The following DTNA variants were observed in gnomAD, a reference collection of about 807,000 sequenced individuals.
The protein encoded by DTNA is dystrophin-related protein 3.
In DTNA, 43 loss-of-function variants were observed where a neutral mutation model predicts 100.7. That is an observed-to-expected ratio of 0.43 (90% confidence interval 0.33 to 0.55). The LOEUF is 0.55. Among genes scored for constraint, DTNA ranks in the 20% least tolerant of loss-of-function variants. The probability of loss-of-function intolerance (pLI) is 0.04; values close to 1 mark genes in which losing one functional copy is unlikely to be tolerated. For missense variants in DTNA, 798 were observed against 953.9 expected, an observed-to-expected ratio of 0.84 and a Z score of 2.15; for synonymous variants, 349 against 347.9, an observed-to-expected ratio of 1.00 and a Z score of -0.04.
At chr18:34,713,590 G>A (rs1458632236) in intron 1 of DTNA, among the ~76,000 whole-genome samples, 1 of 151,216 alleles carries the variant, frequency 6.6e-6, no homozygotes, top group Non-Finnish European at 1.5e-5. Flanking sequence ...TTGTTCTTTT[G>A]GCTTAGGATT....
chr18:34,754,217 C>T (rs1409702950), intron 1 of DTNA, among the ~76,000 whole-genome samples: 1 of 152,118 alleles, frequency 6.6e-6, no homozygotes, highest in Non-Finnish European at 1.5e-5. Flanking sequence ...ATAAACATCA[C>T]TTTTACCACC....
intron 14 of DTNA, among the ~76,000 whole-genome samples, 154 bp downstream of exon 14, chr18:34,848,537 G>C (rs1031294144): frequency 6.6e-6 from 1 of 151,978 alleles, no homozygotes; most frequent in Non-Finnish European, 1.5e-5. Context: ...GTGGTGTCTT[G>C]GTGGTGAATT....
chr18:34,882,110 A>G lies in DTNA; in HGVS notation c.2204A>G (p.Glu735Gly), dbSNP rs2096879029. 1 of 1,614,112 alleles carries G rather than the reference A, an allele frequency of 6.2e-7. No homozygotes were observed. The highest frequency in any genetic ancestry group is 1.3e-5 in the African/African-American group (1 of 75,032). ...DADPYVQPEDENYENDSVRQL... is the reference protein window; with the variant it reads ...DADPYVQPEDGNYENDSVRQL... Reference sequence around the variant, plus strand: ...GATCCCTATGTGCAGCCTGAAGATGAAAACTATGAAAATGACTCTGTCCGG... The same window carrying G: ...GATCCCTATGTGCAGCCTGAAGATGGAAACTATGAAAATGACTCTGTCCGG... The change falls in exon 21 of 23, where the codon GAA becomes GGA. Residue 735 changes from glutamate (E) to glycine (G), a missense_variant. Physicochemically the swap from Glu to Gly is moderately conservative, Grantham distance 98 (BLOSUM62 -2). Transcript: ENST00000444659.
At chr18:34,718,054 C>T (rs1035104215) in intron 1 of DTNA, among the ~76,000 whole-genome samples, 2 of 152,146 alleles carry the variant, frequency 1.3e-5, no homozygotes, top group African/African-American at 4.8e-5. Context: ...AGGTAGAGAA[C>T]AACTGATTTA....
chr18:34,845,519 G>T (rs1461959346), intron 13 of DTNA, among the ~76,000 whole-genome samples: 3 of 151,938 alleles, frequency 2.0e-5, no homozygotes, highest in Non-Finnish European at 4.4e-5. Context: ...CACTTTCAAG[G>T]TGTCAAAGAT....
chr18:34,714,615 A>G (rs1373332332), intron 1 of DTNA, among the ~76,000 whole-genome samples: 2 of 150,708 alleles, frequency 1.3e-5, no homozygotes, highest in Admixed American at 6.6e-5. Context: ...GAGAAATAGG[A>G]ACACTTTTAC....
chr18:34,656,953 T>C (rs1029134063), intron 1 of DTNA, among the ~76,000 whole-genome samples: 3 of 152,154 alleles, frequency 2.0e-5, no homozygotes, highest in Admixed American at 1.3e-4. Context: ...CTCGGCTCAC[T>C]GCAACCTCCA....
At position 34,663,495 on chromosome 18, in the gene DTNA, A is replaced by G. The variant is rs150712918; in HGVS notation, c.-1-92481A>G. ...CTTTTAATAGTGCAAGGAAATGGGAAGTACACATAAAGCACTTTTGAAATA... is the reference window on the plus strand; with the variant it reads ...CTTTTAATAGTGCAAGGAAATGGGAGGTACACATAAAGCACTTTTGAAATA... On this transcript the variant is annotated intron_variant, in intron 1 of 19. Coordinates refer to the DTNA transcript ENST00000283365. 2.2e-3 allele frequency among the ~76,000 whole-genome samples: 329 copies of G among 152,306 alleles called. 2 individuals carry two copies. Among genetic ancestry groups the G allele is most frequent in the African/African-American group, 7.3e-3 (304 of 41,584 alleles).
chr18:34,681,695 AACACACACAC>A (rs71813996), intron 1 of DTNA, among the ~76,000 whole-genome samples: 13 of 142,900 alleles, frequency 9.1e-5, no homozygotes, highest in African/African-American at 2.3e-4. Context: ...CCCTATACAC[AACACACACAC>A]ACACACACAC....
At chr18:34,816,100 GT>G in intron 7 of DTNA, 86 bp downstream of exon 7, 2 of 1,366,382 alleles carry the variant, frequency 1.5e-6, no homozygotes, top group Non-Finnish European at 2.1e-6. Context: ...CCAGGCTGTT[GT>G]TTTAGGGAAG....
intron 1 of DTNA, among the ~76,000 whole-genome samples, chr18:34,640,847 T>A (rs2148348158): frequency 6.6e-6 from 1 of 152,338 alleles, no homozygotes; most frequent in African/African-American, 2.4e-5. Context: ...AGCAAAGGTT[T>A]GTTTTTTTCT....
intron 1 of DTNA, among the ~76,000 whole-genome samples, chr18:34,576,616 G>T (rs942477219): frequency 6.6e-6 from 1 of 152,018 alleles, no homozygotes; most frequent in African/African-American, 2.4e-5. Context: ...ATGCCGCCAT[G>T]CCCGGCTAAT....
At chr18:34,753,633 C>T (rs981946043) in intron 1 of DTNA, among the ~76,000 whole-genome samples, 2 of 141,640 alleles carry the variant, frequency 1.4e-5, no homozygotes, top group African/African-American at 6.3e-5. Context: ...CCGCCCGCCT[C>T]GGCCTCCCAA....
At chr18:34,547,505 CTCTGACCTGTGT>C (rs2044921365) in intron 1 of DTNA, among the ~76,000 whole-genome samples, 1 of 152,094 alleles carries the variant, frequency 6.6e-6, no homozygotes, top group Admixed American at 6.6e-5. Flanking sequence ...TTACTCTGTG[CTCTGACCTGTGT>C]GCATAAGGCC....
chr18:34,619,413 A>G (rs2056010414), intron 1 of DTNA, among the ~76,000 whole-genome samples: 1 of 152,206 alleles, frequency 6.6e-6, no homozygotes, highest in Admixed American at 6.5e-5. Flanking sequence ...CAGGAAGAAT[A>G]GCAAAGAAGC....
chr18:34,558,997 T>C (rs147249131), intron 1 of DTNA, among the ~76,000 whole-genome samples: 410 of 152,264 alleles, frequency 2.7e-3, no homozygotes, highest in Middle Eastern at 0.01. Context: ...GTTGGTTGAT[T>C]AAGAGTACTG....
intron 1 of DTNA, among the ~76,000 whole-genome samples, chr18:34,601,680 T>G (rs890574383): frequency 6.6e-6 from 1 of 152,266 alleles, no homozygotes; most frequent in African/African-American, 2.4e-5. Context: ...TAATGTCTAT[T>G]GCCTGTTTAC....
intron 4 of DTNA, among the ~76,000 whole-genome samples, chr18:34,803,389 C>A (rs2095275957): frequency 6.6e-6 from 1 of 151,950 alleles, no homozygotes; most frequent in African/African-American, 2.4e-5. Flanking sequence ...GACTGGCAAT[C>A]TCCCCATGAT....
chr18:34,669,023 G>T (rs2076351835), intron 1 of DTNA, among the ~76,000 whole-genome samples: 1 of 152,094 alleles, frequency 6.6e-6, no homozygotes, highest in African/African-American at 2.4e-5. Context: ...GTTGACAGTG[G>T]GGTATGAAAG....
Sources: allele counts gnomAD v4.1 joint callset (sites outside exome capture counted in the v4.1 genomes callset), GRCh38; gene constraint gnomAD v4.1.1; transcripts MANE v1.5; gene names NCBI Gene and HGNC (gene_info 2026-07-23, HGNC 2026-07-21).